Variants in OSBPL9 observed in about 807,000 individuals in gnomAD.
OSBPL9 encodes oxysterol binding protein like 9.
OSBPL9 carries 40 observed loss-of-function variants against 106.6 expected under a neutral mutation model. That is an observed-to-expected ratio of 0.38 (90% CI 0.29 to 0.49). OSBPL9 has a LOEUF of 0.49. Among genes scored for constraint, OSBPL9 ranks in the 20% least tolerant of loss-of-function variants. The pLI, the probability that OSBPL9 is intolerant of heterozygous loss-of-function variation, is 0.97. For synonymous variants in OSBPL9, 269 were observed against 295.4 expected, an observed-to-expected ratio of 0.91 and a Z score of 0.92; for missense variants, 609 against 887.2, an observed-to-expected ratio of 0.69 and a Z score of 3.98.
intron 2 of OSBPL9, among the ~76,000 whole-genome samples, chr1:51,655,960 G>T (rs1431750110): frequency 6.6e-6 from 1 of 152,188 alleles, no homozygotes; most frequent in South Asian, 2.1e-4. Flanking sequence ...TTAAACTGCC[G>T]AGGCTTTTAG....
rs373229951 is a variant in OSBPL9 at position 51,742,880 on chromosome 1, G to T, written c.319-2656G>T. Among the ~76,000 whole-genome samples the T allele has an allele frequency of 3.3e-5, 5 of 152,170 alleles. No homozygotes were observed. In the East Asian group the frequency reaches 9.6e-4, roughly 29 times the overall value. On this transcript the variant is annotated intron_variant, in intron 4 of 23. Coordinates refer to ENST00000428468, the MANE Select transcript of OSBPL9 (RefSeq NM_024586.6). ...AAATATTCTACATTAGGAAGTAGTG[G>T]GTTTCTCATCTCATGAGATACTTAA...
upstream of OSBPL9, among the ~76,000 whole-genome samples, chr1:51,572,311 C>A (rs1645155437): frequency 6.6e-6 from 1 of 152,118 alleles, no homozygotes; most frequent in South Asian, 2.1e-4. Flanking sequence ...AGAGCTCACC[C>A]TTCCTCCACA....
the OSBPL9 span, among the ~76,000 whole-genome samples, chr1:51,559,571 C>T: frequency 6.6e-6 from 1 of 152,100 alleles, no homozygotes; most frequent in African/African-American, 2.4e-5. Flanking sequence ...TAAGACCCCC[C>T]ATTTTATTCA....
chr1:51,683,956 G>C (rs1026995454), intron 3 of OSBPL9, among the ~76,000 whole-genome samples: 1 of 152,120 alleles, frequency 6.6e-6, no homozygotes, highest in Non-Finnish European at 1.5e-5. Flanking sequence ...GTTGGTCAAA[G>C]GGTACAAAGT....
At chr1:51,536,703 A>G in the OSBPL9 span, among the ~76,000 whole-genome samples, 1 of 152,152 alleles carries the variant, frequency 6.6e-6, no homozygotes, top group Middle Eastern at 3.2e-3. Flanking sequence ...TTTAAAGAGT[A>G]CTGGCCAGGT....
chr1:51,613,819 G>A (rs1481797805), upstream of OSBPL9, among the ~76,000 whole-genome samples: 2 of 150,556 alleles, frequency 1.3e-5, no homozygotes, highest in Non-Finnish European at 2.9e-5. Context: ...TCTGCTTACT[G>A]TATCCTTGAC....
At chr1:51,554,863 G>A in the OSBPL9 span, among the ~76,000 whole-genome samples, 4 of 152,154 alleles carry the variant, frequency 2.6e-5, no homozygotes, top group Admixed American at 6.5e-5. Context: ...CCTAAATGTC[G>A]AAGGGCTTAA....
intron 2 of OSBPL9, among the ~76,000 whole-genome samples, chr1:51,662,062 A>G (rs781014740): frequency 2.0e-5 from 3 of 152,196 alleles, no homozygotes; most frequent in Non-Finnish European, 4.4e-5. Context: ...GTTCCTGGCA[A>G]ACCAGGTCGT....
chr1:51,528,821 C>T, the OSBPL9 span, among the ~76,000 whole-genome samples: 1 of 152,056 alleles, frequency 6.6e-6, no homozygotes, highest in South Asian at 2.1e-4. Context: ...TTACAGTGAC[C>T]CCAGATTCCG....
chr1:51,698,431 T>G (rs1358260441), intron 3 of OSBPL9, among the ~76,000 whole-genome samples: 1 of 152,174 alleles, frequency 6.6e-6, no homozygotes, highest in African/African-American at 2.4e-5. Context: ...GAGCAAGCAC[T>G]CTTTTATGAA....
the OSBPL9 span, among the ~76,000 whole-genome samples, chr1:51,534,658 A>C: frequency 6.6e-6 from 1 of 152,254 alleles, no homozygotes; most frequent in Non-Finnish European, 1.5e-5. Context: ...CTGTGTTGTC[A>C]CAGTGTTTTC....
rs370847597 is a variant in OSBPL9 at position 51,653,407 on chromosome 1, T to G, written c.162+1366T>G. On this transcript the variant is annotated intron_variant, in intron 2 of 23. Coordinates refer to ENST00000428468, the MANE Select transcript of OSBPL9 (RefSeq NM_024586.6). Reference sequence around the variant, plus strand: ...ATTTGGATTTAGGCCACTGTCTCATTGTTACAGTTAATCCACTGGTTTTGT... The same window carrying G: ...ATTTGGATTTAGGCCACTGTCTCATGGTTACAGTTAATCCACTGGTTTTGT... Among the ~76,000 whole-genome samples the G allele has an allele frequency of 3.3e-5, 5 of 152,328 alleles. No homozygotes were observed. In the East Asian group the frequency reaches 9.6e-4, roughly 29 times the overall value.
chr1:51,682,022 CA>C (rs1305797064), intron 3 of OSBPL9, among the ~76,000 whole-genome samples: 1 of 151,944 alleles, frequency 6.6e-6, no homozygotes, highest in East Asian at 1.9e-4. Flanking sequence ...GGCAACATGG[CA>C]AAACCCTGTC....
intron 8 of OSBPL9, 79 bp downstream of exon 8, chr1:51,750,274 A>G: frequency 1.1e-6 from 1 of 950,004 alleles, no homozygotes. Flanking sequence ...ATAGCAAAAA[A>G]ACTCAGATCT....
chr1:51,596,280 G>A (rs866079325), intron 1 of OSBPL9, among the ~76,000 whole-genome samples: 109 of 126,040 alleles, frequency 8.6e-4, no homozygotes, highest in African/African-American at 2.6e-3. Context: ...AAAAAAAAAA[G>A]GCCAGGCACA....
At chr1:51,635,898 G>A (rs779471497) in intron 1 of OSBPL9, among the ~76,000 whole-genome samples, 1 of 151,386 alleles carries the variant, frequency 6.6e-6, no homozygotes, top group South Asian at 2.1e-4. Context: ...TTTATGATAC[G>A]CTCATTTGGA....
intron 3 of OSBPL9, among the ~76,000 whole-genome samples, chr1:51,678,035 C>T (rs1464220178): frequency 6.6e-6 from 1 of 151,802 alleles, no homozygotes; most frequent in African/African-American, 2.4e-5. Flanking sequence ...AAAAAACTCC[C>T]CTGAGCATGG....
intron 20 of OSBPL9, 139 bp downstream of exon 20, chr1:51,784,721 C>T (rs1440004754): frequency 1.9e-6 from 2 of 1,034,538 alleles, no homozygotes; most frequent in Non-Finnish European, 2.8e-6. Context: ...TGTGTCATGT[C>T]TTTTGCTGAA....
the OSBPL9 span, among the ~76,000 whole-genome samples, chr1:51,527,330 G>GTGATGA: frequency 3.3e-3 from 360 of 110,252 alleles, 2 homozygotes; most frequent in Middle Eastern, 4.3e-3. Context: ...AATGATGATG[G>GTGATGA]TGATGATGAT....
Sources: gnomAD v4.1 joint callset for allele counts (sites outside exome capture counted in the v4.1 genomes callset) on GRCh38, gnomAD v4.1.1 for gene constraint, MANE v1.5 for transcripts, NCBI Gene and HGNC (gene_info 2026-07-23, HGNC 2026-07-21) for gene names.